The following LAMA4 variants were observed in gnomAD, a reference collection of about 807,000 sequenced individuals.
LAMA4 encodes laminin subunit alpha-4.
LAMA4 carries 127 observed loss-of-function variants against 207.1 expected under a neutral mutation model. The ratio of observed to expected loss-of-function variants is 0.61; its 90% CI spans 0.53 to 0.71. LAMA4 has a LOEUF of 0.71. LAMA4 is among the 30% of genes least tolerant of loss of function. The probability of loss-of-function intolerance (pLI) is 0.00; values close to 1 mark genes in which losing one functional copy is unlikely to be tolerated. For missense variants in LAMA4, 2,093 were observed against 2,246.5 expected (o/e 0.93, Z 1.38); for synonymous variants, 761 against 816.0 (o/e 0.93, Z 1.15).
Position 112,131,170 on chromosome 6 carries a change from T to G in LAMA4, c.3835-69A>C, listed in dbSNP as rs575570827. 108 of 1,453,844 alleles carry G rather than the reference T, an allele frequency of 7.4e-5. No individual in the cohort carries two copies. The South Asian group carries it at 1.1e-3, about 14-fold the overall frequency. The allele number at this position is 1,453,844 out of a possible 1,614,324, so 90.1% of individuals were successfully genotyped here. A position where few individuals can be genotyped will look rare whatever the true frequency, so the allele number is the denominator to read the frequency against. On this transcript the variant is annotated intron_variant, in intron 28 of 38. Coordinates refer to ENST00000230538, the MANE Select transcript of LAMA4 (RefSeq NM_001105206.3). The stretch of plus-strand genomic sequence containing the variant: ...CAAAAGACGGAAATGTTTTCAACAT[T>G]TACTGAATGGTATTGCTTAAAGGCA...
intron 10 of LAMA4, among the ~76,000 whole-genome samples, chr6:112,175,810 G>C (rs1423681140): frequency 6.6e-6 from 1 of 152,194 alleles, no homozygotes. Flanking sequence ...AATATTTAGC[G>C]TTAAATATTG....
At chr6:112,129,459 CATTAA>C (rs1314821129) in intron 30 of LAMA4, among the ~76,000 whole-genome samples, 1 of 152,068 alleles carries the variant, frequency 6.6e-6, no homozygotes, top group African/African-American at 2.4e-5. Context: ...TAAAATCATG[CATTAA>C]ATTAAGAGTT....
At chr6:112,186,771 A>C in intron 8 of LAMA4, 1 of 449,236 alleles carries the variant, frequency 2.2e-6, no homozygotes, top group South Asian at 1.6e-5. Context: ...TGTTTTTATA[A>C]AATATATTTT....
rs1781783317 is a variant in LAMA4 at position 112,172,616 on chromosome 6, G to T, written c.1546C>A (p.His516Asn). ...ATGGTGAGTGTCCGCTGTACCTCAT[G>T]GTCCCGCTGCCTGGCTGCTGTGGCC... is the stretch of plus-strand genomic sequence containing the variant. Reference protein sequence around the residue: ...NRATAARQRDHEKQQERVREQ... With the variant: ...NRATAARQRDNEKQQERVREQ... Residue 516 changes from histidine to asparagine, a missense_variant, in exon 12 of 39, where the codon CAT becomes AAT. Physicochemically the swap from His to Asn is moderately conservative, Grantham distance 68 (BLOSUM62 1). Around this residue, in one of 3 missense-constraint regions of LAMA4, gnomAD observed 1,704 missense variants for 1,788.4 expected, o/e 0.95. Coordinates refer to ENST00000230538, the MANE Select transcript of LAMA4 (RefSeq NM_001105206.3). 2.5e-6 allele frequency: 4 copies of T among 1,612,630 alleles called. No homozygotes were observed. In the South Asian group the frequency reaches 4.4e-5, roughly 18 times the overall value.
In LAMA4 at chr6:112,165,180, C is replaced by G; in HGVS notation, c.1648G>C (p.Glu550Gln). 1 of 1,608,010 alleles carries G rather than the reference C, an allele frequency of 6.2e-7. No homozygotes were observed. The highest frequency in any genetic ancestry group is 8.5e-7 in the Non-Finnish European group (1 of 1,174,446). Reference protein sequence around the residue: ...SLTTPRLTLSELDDIIKNASG... With the variant: ...SLTTPRLTLSQLDDIIKNASG... ...CTTACCTTTATTATATCATCAAGTTCTGAAAGAGTTAGACGAGGTGTTGTC... is the reference window on the plus strand; with the variant it reads ...CTTACCTTTATTATATCATCAAGTTGTGAAAGAGTTAGACGAGGTGTTGTC... Residue 550 changes from glutamate (E) to glutamine (Q), a missense_variant, in exon 13 of 39, where the codon GAA becomes CAA. By Grantham distance (29) the Glu-to-Gln change is conservative. Around this residue, in one of 3 missense-constraint regions of LAMA4, gnomAD observed 1,704 missense variants for 1,788.4 expected, o/e 0.95. Transcript: ENST00000230538.
At chr6:112,156,445 C>T (rs1443029550) in intron 14 of LAMA4, among the ~76,000 whole-genome samples, 1 of 152,108 alleles carries the variant, frequency 6.6e-6, no homozygotes, top group African/African-American at 2.4e-5. Flanking sequence ...TATTATTATA[C>T]CTACACCATT....
intron 10 of LAMA4, among the ~76,000 whole-genome samples, chr6:112,176,162 C>A (rs1318651245): frequency 2.0e-5 from 3 of 152,196 alleles, no homozygotes; most frequent in Non-Finnish European, 4.4e-5. Flanking sequence ...TTTCACCCCA[C>A]TTCCATAAGT....
In LAMA4 at chr6:112,115,913, C is replaced by T. The variant is rs782194407; in HGVS notation, c.5062G>A (p.Gly1688Ser). ...AGGTACTCCCCATTGACACTGTGGC[C>T]GTGGACCAGGGTTCCGGAACTGCTT... is the stretch of plus-strand genomic sequence containing the variant. ...PRSSSGTLVH[G>S]HSVNGEYLNV... The change falls in exon 36 of 39, where the codon GGC becomes AGC. Residue 1688 changes from glycine (G) to serine (S), a missense_variant. Gly to Ser is a moderately conservative substitution (Grantham distance 56). Transcript: ENST00000230538. 13 of 1,613,318 alleles carry T rather than the reference C, an allele frequency of 8.1e-6. No individual in the cohort carries two copies. Among genetic ancestry groups the T allele is most frequent in the Admixed American group, 1.7e-5 (1 of 59,976 alleles).
chr6:112,158,983 A>G (rs1780891661), intron 13 of LAMA4, 103 bp from the exon 14 acceptor site: 1 of 782,566 alleles, frequency 1.3e-6, no homozygotes, highest in African/African-American at 1.7e-5. Context: ...TATGAAGGTC[A>G]GTAAATTTCA....
intron 2 of LAMA4, among the ~76,000 whole-genome samples, chr6:112,237,861 G>T (rs1258362319): frequency 5.3e-5 from 8 of 152,216 alleles, no homozygotes; most frequent in Admixed American, 5.2e-4. Context: ...CACGACATGG[G>T]TTATCCTGAT....
intron 31 of LAMA4, 114 bp from the exon 32 acceptor site, chr6:112,122,315 C>G (rs1346246826): frequency 1.2e-6 from 1 of 815,282 alleles, no homozygotes; most frequent in African/African-American, 1.7e-5. Context: ...TGTGCATTTT[C>G]CATTCATGGA....
At position 112,243,793 on chromosome 6, in the gene LAMA4, C is replaced by T. The variant is rs138812499; in HGVS notation, c.195+10163G>A. 3.7e-4 allele frequency among the ~76,000 whole-genome samples: 56 copies of T among 152,136 alleles called. No homozygotes were observed. The East Asian group carries it at 0.01, about 28-fold the overall frequency. On this transcript the variant is annotated intron_variant, in intron 2 of 38. Transcript: ENST00000230538. The stretch of plus-strand genomic sequence containing the variant: ...TAGGATGAGGCTGGGCATGGTGGCT[C>T]ATGCATGCAATCCCAGCACTTTGGG...
At chr6:112,172,851 G>A (rs782296165) in intron 11 of LAMA4, 47 bp from the exon 12 acceptor site, 6 of 1,517,700 alleles carry the variant, frequency 4.0e-6, no homozygotes, top group South Asian at 3.4e-5. Context: ...TCTCCTGTTC[G>A]CTTCCATTCC....
chr6:112,213,998 C>T (rs782656921), intron 3 of LAMA4: 1 of 757,422 alleles, frequency 1.3e-6, no homozygotes, highest in Non-Finnish European at 2.5e-6. Flanking sequence ...GCCCTGGCTT[C>T]TCTGGCTCCC....
intron 27 of LAMA4, 64 bp downstream of exon 27, chr6:112,133,285 T>C: frequency 6.4e-7 from 1 of 1,572,448 alleles, no homozygotes; most frequent in African/African-American, 1.3e-5. Flanking sequence ...AAAAGAACTT[T>C]TCCAGCTTTT....
At chr6:112,201,736 G>C in intron 4 of LAMA4, 48 bp from the exon 5 acceptor site, 2 of 1,474,570 alleles carry the variant, frequency 1.4e-6, no homozygotes, top group South Asian at 1.1e-5. Flanking sequence ...CATCACCAAA[G>C]AGACTGTCTT....
chr6:112,186,651 T>A, intron 8 of LAMA4: 1 of 384,004 alleles, frequency 2.6e-6, no homozygotes, highest in Non-Finnish European at 5.0e-6. Context: ...ATACTTTAAA[T>A]CATCTCTAGA....
intron 11 of LAMA4, 87 bp from the exon 12 acceptor site, chr6:112,172,891 T>A: frequency 9.9e-7 from 1 of 1,009,668 alleles, no homozygotes; most frequent in Admixed American, 1.9e-5. Flanking sequence ...TGCAAAATTC[T>A]CAGGCCATGC....
chr6:112,142,020 T>C (rs1554333413), intron 20 of LAMA4, 99 bp downstream of exon 20: 27 of 1,143,798 alleles, frequency 2.4e-5, no homozygotes, highest in Non-Finnish European at 3.4e-5. Flanking sequence ...AGAATGGGCA[T>C]TGTTTTGGTT....
Sources: gnomAD v4.1 joint callset for allele counts (sites outside exome capture counted in the v4.1 genomes callset) on GRCh38, gnomAD v4.1.1 for gene constraint, gnomAD v4.1.1 regional missense constraint, MANE v1.5 for transcripts, NCBI Gene and HGNC (gene_info 2026-07-23, HGNC 2026-07-21) for gene names.